HDAC9: variants seen among roughly 807,000 people sequenced by gnomAD.
HDAC9 encodes histone deacetylase 9, also known as MEF-2 interacting transcription repressor (MITR) protein.
Under a neutral mutation model 139.4 loss-of-function variants are expected in HDAC9, and 41 were observed. That is an observed-to-expected ratio of 0.29 (90% CI 0.23 to 0.38). The LOEUF (loss-of-function observed/expected upper bound fraction) is 0.38. Ranked by LOEUF, HDAC9 falls within the 10% of genes least tolerant of loss-of-function variation. HDAC9 has a pLI of 1.00. For missense variants in HDAC9, 1,147 were observed against 1,297.0 expected, an observed-to-expected ratio of 0.88 and a Z score of 1.78; for synonymous variants, 517 against 476.2, an observed-to-expected ratio of 1.09 and a Z score of -1.12.
At chr7:18,446,645 GT>G (rs767475161) in intron 1 of HDAC9, among the ~76,000 whole-genome samples, 9 of 151,904 alleles carry the variant, frequency 5.9e-5, no homozygotes, top group Non-Finnish European at 1.0e-4. Flanking sequence ...TGTTGATATA[GT>G]TTTTTTCAAC....
At position 18,951,284 on chromosome 7, in the gene HDAC9, A is replaced by T. The variant is rs569643198; in HGVS notation, c.2938-2862A>T. On this transcript the variant is annotated intron_variant, in intron 23 of 25. Coordinates refer to ENST00000686413, the MANE Select transcript of HDAC9 (RefSeq NM_178425.4). The stretch of plus-strand genomic sequence containing the variant: ...CTTAACAAACATCTGAATCATGCCA[A>T]TACATTATCACAACTTTCTGAAAAT... Among the ~76,000 whole-genome samples, 51 of 152,118 alleles carry T rather than the reference A, an allele frequency of 3.4e-4. 1 individual carries two copies. In the South Asian group the frequency reaches 0.01, roughly 30 times the overall value.
chr7:18,193,319 C>T (rs1455805125), intron 2 of HDAC9, among the ~76,000 whole-genome samples: 1 of 152,176 alleles, frequency 6.6e-6, no homozygotes, highest in Non-Finnish European at 1.5e-5. Flanking sequence ...TAGCTTCTAC[C>T]ATTTGTTTCA....
In HDAC9 at chr7:18,980,715, CTCT is replaced by C. The variant is rs756067173; in HGVS notation, c.3170+4771_3170+4773del. ...TCTTCTTCCTTCTTCTTCCTTCTTC[CTCT>C]TCTTCTTCCTTCTTCTTCTTCTTCT... On this transcript the variant is annotated intron_variant, in intron 25 of 25. Coordinates refer to ENST00000686413, the MANE Select transcript of HDAC9 (RefSeq NM_178425.4). Among the ~76,000 whole-genome samples, 67 of 133,568 alleles carry C rather than the reference CTCT, an allele frequency of 5.0e-4. 1 individual carries two copies. The highest frequency in any genetic ancestry group is 4.7e-3 in the East Asian group (21 of 4,456). The allele number at this position is 133,568 out of a possible 152,430, so 87.6% of individuals were successfully genotyped here. A position where few individuals can be genotyped will look rare whatever the true frequency, so the allele number is the denominator to read the frequency against.
At chr7:18,668,829 GT>G (rs565674107) in intron 12 of HDAC9, 11 of 982,204 alleles carry the variant, frequency 1.1e-5, no homozygotes, top group Non-Finnish European at 1.2e-5. Flanking sequence ...CTCAAATAAA[GT>G]TTTTTTTAAA....
chr7:18,504,009 G>T (rs528980241), intron 2 of HDAC9, among the ~76,000 whole-genome samples: 1 of 152,282 alleles, frequency 6.6e-6, no homozygotes, highest in African/African-American at 2.4e-5. Flanking sequence ...TTCATTAAAT[G>T]ACATCATAGC....
rs74220915 is a variant in HDAC9 at position 18,916,404 on chromosome 7, G to T, written c.2804-19405G>T. Among the ~76,000 whole-genome samples the T allele has an allele frequency of 5.3e-4, 81 of 151,862 alleles. 1 individual carries two copies. The East Asian group carries it at 0.014, about 25-fold the overall frequency. On this transcript the variant is annotated intron_variant, in intron 22 of 25. Coordinates refer to ENST00000686413, the MANE Select transcript of HDAC9 (RefSeq NM_178425.4). ...AGTGAGGACACTGTGTCTCAGGGTG[G>T]CAAAGTGTTTTGCTCAAAATAATAC...
chr7:18,679,489 TTTC>T (rs1364379078), intron 12 of HDAC9, among the ~76,000 whole-genome samples: 1 of 151,530 alleles, frequency 6.6e-6, no homozygotes. Context: ...CCTCTCTCCC[TTTC>T]TTTTCTTTTC....
intron 2 of HDAC9, among the ~76,000 whole-genome samples, chr7:18,206,440 A>G (rs183286561): frequency 1.3e-5 from 2 of 152,294 alleles, no homozygotes; most frequent in Admixed American, 6.5e-5. Context: ...AGGAGTAAGC[A>G]GGGCCTCAGT....
intron 1 of HDAC9, among the ~76,000 whole-genome samples, chr7:18,117,424 T>G (rs1054534047): frequency 6.6e-6 from 1 of 151,340 alleles, no homozygotes; most frequent in African/African-American, 2.4e-5. Flanking sequence ...AGGCGGAGCT[T>G]GCAGTGAGCC....
At chr7:18,886,539 T>C (rs530953779) in intron 22 of HDAC9, among the ~76,000 whole-genome samples, 1 of 152,350 alleles carries the variant, frequency 6.6e-6, no homozygotes, top group East Asian at 1.9e-4. Context: ...AGGCTGTTTT[T>C]TTAATTTTCA....
chr7:18,192,872 T>A (rs1364462488), intron 2 of HDAC9, among the ~76,000 whole-genome samples: 1 of 152,236 alleles, frequency 6.6e-6, no homozygotes, highest in Non-Finnish European at 1.5e-5. Flanking sequence ...TAATATGTAT[T>A]TCTCAGTATG....
Position 18,568,038 on chromosome 7 carries a change from A to G in HDAC9, c.23-17243A>G, listed in dbSNP as rs796826412. The stretch of plus-strand genomic sequence containing the variant: ...GATATATGTATATGTATATATATAT[A>G]TATATATATATATATGTAAGCTTAG... On this transcript the variant is annotated intron_variant, in intron 2 of 25. Transcript: ENST00000686413. Among the ~76,000 whole-genome samples the G allele has an allele frequency of 5.2e-3, 765 of 145,748 alleles. 16 individuals are homozygous for G. The highest frequency in any genetic ancestry group is 0.018 in the African/African-American group (703 of 40,046).
intron 21 of HDAC9, chr7:18,851,497 A>G (rs536306474): frequency 6.6e-6 from 1 of 152,514 alleles, no homozygotes; most frequent in Admixed American, 6.5e-5. Context: ...GTGTGAGTCA[A>G]TTAAACCTCT....
intron 12 of HDAC9, among the ~76,000 whole-genome samples, chr7:18,703,931 C>T (rs1018134454): frequency 6.6e-6 from 1 of 152,150 alleles, no homozygotes; most frequent in Non-Finnish European, 1.5e-5. Flanking sequence ...TTGCATACTC[C>T]CACAAGCAGA....
chr7:18,284,666 C>A (rs141258648), intron 2 of HDAC9, among the ~76,000 whole-genome samples: 1 of 152,042 alleles, frequency 6.6e-6, no homozygotes, highest in African/African-American at 2.4e-5. Context: ...GTAAATTAGT[C>A]TCCCCATGTG....
At chr7:18,254,045 T>A (rs1795087033) in intron 2 of HDAC9, among the ~76,000 whole-genome samples, 1 of 152,234 alleles carries the variant, frequency 6.6e-6, no homozygotes, top group Non-Finnish European at 1.5e-5. Flanking sequence ...ACATCATGCA[T>A]TGATGTAAAA....
intron 1 of HDAC9, among the ~76,000 whole-genome samples, chr7:18,382,553 G>A (rs909124512): frequency 1.3e-5 from 2 of 152,346 alleles, no homozygotes; most frequent in South Asian, 2.1e-4. Context: ...CAAGGCCTGC[G>A]CCCATGGAGT....
chr7:18,452,199 G>A (rs1360107476), intron 1 of HDAC9, among the ~76,000 whole-genome samples: 2 of 152,126 alleles, frequency 1.3e-5, no homozygotes, highest in African/African-American at 4.8e-5. Flanking sequence ...AACTGTGGTA[G>A]CCACACACTC....
chr7:18,920,686 G>C (rs1803625485), intron 22 of HDAC9, among the ~76,000 whole-genome samples: 1 of 152,074 alleles, frequency 6.6e-6, no homozygotes, highest in African/African-American at 2.4e-5. Flanking sequence ...CTAATTTATT[G>C]AGCGTTTTTA....
Sources: allele counts gnomAD v4.1 joint callset (sites outside exome capture counted in the v4.1 genomes callset), GRCh38; gene constraint gnomAD v4.1.1; transcripts MANE v1.5; gene names NCBI Gene and HGNC (gene_info 2026-07-23, HGNC 2026-07-21).